Variants in SORCS1 observed in about 807,000 individuals in gnomAD.
SORCS1 encodes sortilin related VPS10 domain containing receptor 1.
A neutral mutation model predicts 146.1 loss-of-function variants in SORCS1; 60 were observed. The ratio of observed to expected loss-of-function variants is 0.41; its 90% CI spans 0.33 to 0.51. The LOEUF (loss-of-function observed/expected upper bound fraction) is 0.51, where lower values mean the gene tolerates loss of function less well. Ranked by LOEUF, SORCS1 falls within the 20% of genes least tolerant of loss-of-function variation. The probability of loss-of-function intolerance (pLI) is 0.21; values close to 1 mark genes in which losing one functional copy is unlikely to be tolerated. For missense variants in SORCS1, 1,352 were observed against 1,487.6 expected (o/e 0.91, Z 1.50); for synonymous variants, 637 against 584.0 (o/e 1.09, Z -1.31).
intron 1 of SORCS1, among the ~76,000 whole-genome samples, chr10:107,053,551 C>A (rs1037501388): frequency 6.6e-6 from 1 of 151,966 alleles, no homozygotes; most frequent in Non-Finnish European, 1.5e-5. Context: ...AAAAATGTCT[C>A]CAACTGGAAA....
intron 1 of SORCS1, among the ~76,000 whole-genome samples, chr10:107,042,178 T>C (rs1959171309): frequency 3.9e-5 from 6 of 152,214 alleles, no homozygotes; most frequent in Admixed American, 3.3e-4. Context: ...TCTCCTGTTG[T>C]GGTTTAGAAC....
At chr10:106,770,109 T>C (rs971953268) in intron 4 of SORCS1, among the ~76,000 whole-genome samples, 4 of 152,072 alleles carry the variant, frequency 2.6e-5, no homozygotes, top group South Asian at 2.1e-4. Flanking sequence ...AAGAAAAAAT[T>C]AGATTTTCCA....
intron 1 of SORCS1, among the ~76,000 whole-genome samples, chr10:107,108,306 G>T (rs1192960581): frequency 6.6e-6 from 1 of 152,182 alleles, no homozygotes; most frequent in African/African-American, 2.4e-5. Flanking sequence ...TGTTTAATTG[G>T]CTCACTGTGC....
At position 107,031,038 on chromosome 10, in the gene SORCS1, T is replaced by C. The variant is rs74154827; in HGVS notation, c.559-74458A>G. 6.1e-3 allele frequency among the ~76,000 whole-genome samples: 934 copies of C among 152,302 alleles called. 12 individuals carry two copies. Among genetic ancestry groups the C allele is most frequent in the African/African-American group, 0.021 (886 of 41,548 alleles). Reference sequence around the variant, plus strand: ...ACTGTTCACAGTTCTCAAGCTGTTCTTTTCTCAGAAACTGGTTTGTTTCTG... The same window carrying C: ...ACTGTTCACAGTTCTCAAGCTGTTCCTTTCTCAGAAACTGGTTTGTTTCTG... On this transcript the variant is annotated intron_variant, in intron 1 of 25. Coordinates refer to ENST00000263054, the MANE Select transcript of SORCS1 (RefSeq NM_052918.5).
At chr10:106,995,456 T>C (rs1956953421) in intron 1 of SORCS1, among the ~76,000 whole-genome samples, 1 of 152,176 alleles carries the variant, frequency 6.6e-6, no homozygotes, top group Admixed American at 6.5e-5. Context: ...TGTTTTGTTT[T>C]TTTCTGCTAT....
At chr10:107,124,925 CTTTCT>C (rs1159153567) in intron 1 of SORCS1, among the ~76,000 whole-genome samples, 1 of 150,086 alleles carries the variant, frequency 6.7e-6, no homozygotes, top group African/African-American at 2.5e-5. Flanking sequence ...CTCTGCTCAG[CTTTCT>C]TTTCTTTCTT....
intron 1 of SORCS1, among the ~76,000 whole-genome samples, chr10:107,152,619 C>T (rs1416645135): frequency 1.3e-5 from 2 of 152,154 alleles, no homozygotes; most frequent in Non-Finnish European, 2.9e-5. Context: ...GGGGCTTTCC[C>T]CCCACTTCAC....
At chr10:106,888,540 C>G (rs1298243401) in intron 2 of SORCS1, among the ~76,000 whole-genome samples, 12 of 152,162 alleles carry the variant, frequency 7.9e-5, no homozygotes, top group Non-Finnish European at 1.5e-4. Flanking sequence ...AGTTTTCTAT[C>G]CTGGTTTTAC....
At chr10:107,037,888 G>A (rs543494341) in intron 1 of SORCS1, among the ~76,000 whole-genome samples, 31 of 152,278 alleles carry the variant, frequency 2.0e-4, no homozygotes, top group Middle Eastern at 3.4e-3. Context: ...GTGTAGTGGT[G>A]CGATCTTGGC....
intron 2 of SORCS1, among the ~76,000 whole-genome samples, chr10:106,902,035 C>T (rs897863856): frequency 3.0e-4 from 45 of 150,880 alleles, no homozygotes; most frequent in African/African-American, 1.1e-3. Flanking sequence ...CAGAGCGAGA[C>T]TCTGTCTCAA....
chr10:106,596,052 G>A (rs576258001), intron 24 of SORCS1, among the ~76,000 whole-genome samples: 14 of 152,228 alleles, frequency 9.2e-5, no homozygotes, highest in African/African-American at 3.1e-4. Flanking sequence ...CCATCTCTGA[G>A]ACATACAGAA....
chr10:107,074,956 C>T (rs180827286), intron 1 of SORCS1, among the ~76,000 whole-genome samples: 1 of 152,044 alleles, frequency 6.6e-6, no homozygotes, highest in Non-Finnish European at 1.5e-5. Context: ...CAGTAACTCA[C>T]CTTTATTGAT....
intron 1 of SORCS1, among the ~76,000 whole-genome samples, chr10:107,048,577 T>C (rs994151551): frequency 1.3e-5 from 2 of 152,228 alleles, no homozygotes; most frequent in African/African-American, 4.8e-5. Context: ...AATTATTTAA[T>C]AATATCTAAT....
At chr10:106,899,334 T>C (rs1170776474) in intron 2 of SORCS1, among the ~76,000 whole-genome samples, 1 of 152,166 alleles carries the variant, frequency 6.6e-6, no homozygotes, top group African/African-American at 2.4e-5. Context: ...TAGGCATTAA[T>C]AGGAGAAGAG....
intron 3 of SORCS1, among the ~76,000 whole-genome samples, chr10:106,807,845 T>C (rs1329383737): frequency 6.6e-6 from 1 of 152,242 alleles, no homozygotes; most frequent in African/African-American, 2.4e-5. Context: ...CTTTGTTGTC[T>C]GCAATGATTG....
At chr10:107,044,869 A>G (rs1432447333) in intron 1 of SORCS1, among the ~76,000 whole-genome samples, 2 of 151,186 alleles carry the variant, frequency 1.3e-5, no homozygotes, top group African/African-American at 4.9e-5. Flanking sequence ...GATGTATTAT[A>G]GGTGCTGCAT....
At chr10:106,644,523 C>T (rs974516555) in intron 18 of SORCS1, among the ~76,000 whole-genome samples, 16 of 152,004 alleles carry the variant, frequency 1.1e-4, no homozygotes, top group South Asian at 4.1e-4. Context: ...CCCACCACCA[C>T]GCCCAGCTAA....
intron 1 of SORCS1, among the ~76,000 whole-genome samples, chr10:106,995,148 T>TA (rs1360609622): frequency 4.8e-4 from 73 of 151,750 alleles, no homozygotes; most frequent in African/African-American, 1.6e-3. Flanking sequence ...CCGCCTCTAC[T>TA]AAAAAAATAC....
chr10:106,579,211 C>T (rs1844749648), intron 25 of SORCS1, 158 bp downstream of exon 25: 1 of 1,614,128 alleles, frequency 6.2e-7, no homozygotes. Flanking sequence ...TGTTCTTTCT[C>T]ATTCTGCATC....
Sources: gnomAD v4.1 joint callset for allele counts (sites outside exome capture counted in the v4.1 genomes callset) on GRCh38, gnomAD v4.1.1 for gene constraint, MANE v1.5 for transcripts, NCBI Gene and HGNC (gene_info 2026-07-23, HGNC 2026-07-21) for gene names.